PCDHA6: variants seen among roughly 807,000 people sequenced by gnomAD.
PCDHA6 encodes protocadherin alpha-6.
Under a neutral mutation model 60.3 loss-of-function variants are expected in PCDHA6, and 55 were observed. The ratio of observed to expected loss-of-function variants is 0.91; its 90% CI spans 0.73 to 1.14. The LOEUF (loss-of-function observed/expected upper bound fraction) is 1.14, where lower values mean the gene tolerates loss of function less well. PCDHA6 is among the 50% of genes most tolerant of loss of function. The pLI is 0.00. For synonymous variants in PCDHA6, 652 were observed against 557.9 expected, an observed-to-expected ratio of 1.17 and a Z score of -2.38; for missense variants, 1,327 against 1,256.5, an observed-to-expected ratio of 1.06 and a Z score of -0.85.
In PCDHA6 at chr5:141,010,121, T is replaced by C; in HGVS notation, c.*184T>C. The C allele has an allele frequency of 1.2e-6, 2 of 1,606,996 alleles. No homozygotes were observed. The highest frequency in any genetic ancestry group is 1.7e-6 in the Non-Finnish European group (2 of 1,176,140). On this transcript the variant is annotated 3_prime_UTR_variant, in exon 4 of 4. Transcript: ENST00000529310. ...ACAGGTTTTGTCGTAAAAGCTTTAC[T>C]AAGTCTGGTGTTAACTCTTTCTCTC... is the stretch of plus-strand genomic sequence containing the variant.
At chr5:140,951,936 C>G (rs2153694375) in intron 1 of PCDHA6, among the ~76,000 whole-genome samples, 1 of 152,278 alleles carries the variant, frequency 6.6e-6, no homozygotes, top group Admixed American at 6.5e-5. Context: ...TCCCAAGATA[C>G]AGTGCGGGTA....
intron 1 of PCDHA6, chr5:140,834,550 T>C (rs1773085767): frequency 6.2e-7 from 1 of 1,613,956 alleles, no homozygotes; most frequent in South Asian, 1.1e-5. Flanking sequence ...GGGCTGGAGC[T>C]GGCGGAGCTG....
chr5:140,879,838 A>G (rs73793511), intron 1 of PCDHA6, among the ~76,000 whole-genome samples: 3,913 of 152,230 alleles, frequency 0.026, 159 homozygotes, highest in African/African-American at 0.089. Flanking sequence ...TTGTGGCTGT[A>G]CCACTCCCAT....
intron 1 of PCDHA6, among the ~76,000 whole-genome samples, chr5:140,893,506 A>G (rs2064024014): frequency 1.3e-5 from 2 of 152,170 alleles, no homozygotes; most frequent in African/African-American, 4.8e-5. Flanking sequence ...AGAAAAAAAA[A>G]GCAGTTGTAG....
intron 1 of PCDHA6, among the ~76,000 whole-genome samples, chr5:140,917,749 C>G (rs2078340847): frequency 6.6e-6 from 1 of 152,144 alleles, no homozygotes; most frequent in African/African-American, 2.4e-5. Flanking sequence ...TCCCATTGGT[C>G]TATGTGTCTG....
intron 1 of PCDHA6, chr5:140,883,500 G>C (rs1562789727): frequency 6.2e-7 from 1 of 1,614,100 alleles, no homozygotes; most frequent in African/African-American, 1.3e-5. Flanking sequence ...GTGCTGGACA[G>C]CGCCCTGGAC....
chr5:141,001,910 C>T (rs1365182561), intron 3 of PCDHA6, among the ~76,000 whole-genome samples: 1 of 152,196 alleles, frequency 6.6e-6, no homozygotes, highest in Non-Finnish European at 1.5e-5. Flanking sequence ...TTGAAAAAGA[C>T]TGCAGTGGCT....
At chr5:140,951,986 C>A (rs2094668313) in intron 1 of PCDHA6, among the ~76,000 whole-genome samples, 2 of 152,166 alleles carry the variant, frequency 1.3e-5, no homozygotes, top group African/African-American at 4.8e-5. Flanking sequence ...AAGGGAAAAA[C>A]CAGCCAAAAG....
At chr5:140,987,318 A>C (rs148008812) in intron 3 of PCDHA6, among the ~76,000 whole-genome samples, 3,398 of 152,304 alleles carry the variant, frequency 0.022, 70 homozygotes, top group Admixed American at 0.058. Flanking sequence ...TGTACTGTGA[A>C]GTTTTAAGAA....
intron 1 of PCDHA6, chr5:140,870,703 G>A (rs899824906): frequency 1.2e-6 from 2 of 1,612,916 alleles, no homozygotes; most frequent in East Asian, 2.2e-5. Context: ...ACAGTTCCAG[G>A]TGAGCGCGCG....
At chr5:140,887,776 G>T (rs2061574225) in intron 1 of PCDHA6, among the ~76,000 whole-genome samples, 1 of 152,036 alleles carries the variant, frequency 6.6e-6, no homozygotes, top group Non-Finnish European at 1.5e-5. Context: ...CAATGACACA[G>T]GTCATTGAAG....
At chr5:140,869,684 T>G in intron 1 of PCDHA6, 1 of 1,613,486 alleles carries the variant, frequency 6.2e-7, no homozygotes, top group Non-Finnish European at 8.5e-7. Flanking sequence ...AGACTGTCAC[T>G]TATTTTAAAG....
chr5:140,908,492 T>G (rs1241563422), intron 1 of PCDHA6, among the ~76,000 whole-genome samples: 3 of 152,226 alleles, frequency 2.0e-5, no homozygotes, highest in African/African-American at 7.2e-5. Context: ...CAGTTCAGGT[T>G]GCTTGGTGAC....
At chr5:140,881,235 T>C (rs2058632833) in intron 1 of PCDHA6, 1 of 352,648 alleles carries the variant, frequency 2.8e-6, no homozygotes, top group South Asian at 1.1e-4. Context: ...TTAAAGTCAA[T>C]TTAAATGACG....
chr5:140,857,982 G>C lies in PCDHA6; in HGVS notation c.2394+27497G>C, dbSNP rs782329809. The C allele has an allele frequency of 6.9e-6, 11 of 1,596,698 alleles. No individual in the cohort carries two copies. In the Admixed American group the frequency reaches 1.9e-4, roughly 27 times the overall value. ...GATGAGACTGACTCGCCACGCCAGC[G>C]CCTACTGGTGCTGGTGAAGGACCAT... On this transcript the variant is annotated intron_variant, in intron 1 of 3. Transcript: ENST00000529310.
At chr5:140,958,397 A>T (rs1306610051) in intron 1 of PCDHA6, among the ~76,000 whole-genome samples, 3 of 152,172 alleles carry the variant, frequency 2.0e-5, no homozygotes, top group African/African-American at 7.2e-5. Flanking sequence ...GTCATCAAAC[A>T]TTATCACTGA....
At chr5:140,978,499 T>A (rs1178288273) in intron 1 of PCDHA6, among the ~76,000 whole-genome samples, 1 of 152,238 alleles carries the variant, frequency 6.6e-6, no homozygotes, top group African/African-American at 2.4e-5. Flanking sequence ...AGCAGCAGAT[T>A]GCAGTCCTCT....
intron 1 of PCDHA6, among the ~76,000 whole-genome samples, chr5:140,925,768 G>A (rs1018599372): frequency 6.6e-6 from 1 of 151,870 alleles, no homozygotes; most frequent in Admixed American, 6.6e-5. Flanking sequence ...TAGTTTCCTG[G>A]TCAAACTCTA....
At chr5:140,915,646 C>A (rs2077236708) in intron 1 of PCDHA6, among the ~76,000 whole-genome samples, 1 of 151,916 alleles carries the variant, frequency 6.6e-6, no homozygotes, top group Non-Finnish European at 1.5e-5. Flanking sequence ...CTCTCTCTCT[C>A]TCTCTCTCTC....
Sources: gnomAD v4.1 joint callset for allele counts (sites outside exome capture counted in the v4.1 genomes callset) on GRCh38, gnomAD v4.1.1 for gene constraint, MANE v1.5 for transcripts, NCBI Gene and HGNC (gene_info 2026-07-23, HGNC 2026-07-21) for gene names.